Variants in ACER3 observed in about 807,000 individuals in gnomAD.
ACER3 encodes the protein alkaline ceramidase 3.
In ACER3, 16 loss-of-function variants were observed where a neutral mutation model predicts 48.9. That is an observed-to-expected ratio of 0.33 (90% CI 0.22 to 0.50). The LOEUF is 0.50. ACER3 is among the 20% of genes least tolerant of loss of function. ACER3 has a pLI of 0.98. For synonymous variants in ACER3, 109 were observed against 107.8 expected (o/e 1.01, Z -0.07); for missense variants, 227 against 326.0 (o/e 0.70, Z 2.34).
intron 2 of ACER3, among the ~76,000 whole-genome samples, chr11:76,953,822 A>G (rs1413760630): frequency 6.6e-6 from 1 of 152,170 alleles, no homozygotes; most frequent in Admixed American, 6.5e-5. Flanking sequence ...AACCCAAGTG[A>G]TATTTTTAAA....
chr11:76,959,227 A>C lies in ACER3; in HGVS notation c.267+196A>C, dbSNP rs528601406. Reference sequence around the variant, plus strand: ...TGAGTCCATAAGGAAAACAAGTACAAATAGTATAGGGCTTTTTGACCATCT... The same window carrying C: ...TGAGTCCATAAGGAAAACAAGTACACATAGTATAGGGCTTTTTGACCATCT... On this transcript the variant is annotated intron_variant, in intron 3 of 10. Coordinates refer to ENST00000532485, the MANE Select transcript of ACER3 (RefSeq NM_018367.7). The C allele has an allele frequency of 7.5e-6, 11 of 1,458,934 alleles. No individual in the cohort carries two copies. The African/African-American group carries it at 1.1e-4, about 15-fold the overall frequency. 90.4% of individuals were successfully genotyped at this position (1,458,934 alleles called of 1,614,324 possible).
At chr11:76,914,098 G>A (rs997583638) in intron 1 of ACER3, among the ~76,000 whole-genome samples, 10 of 152,170 alleles carry the variant, frequency 6.6e-5, no homozygotes, top group Admixed American at 1.3e-4. Context: ...TAAAAACCCT[G>A]GAAGAAAACC....
intron 3 of ACER3, among the ~76,000 whole-genome samples, chr11:76,969,810 G>C (rs1444977547): frequency 8.1e-6 from 1 of 123,322 alleles, no homozygotes; most frequent in African/African-American, 3.5e-5. Context: ...TGGGGGGAGG[G>C]GGGAGGGATA....
At chr11:76,945,017 T>C (rs545719280) in intron 2 of ACER3, among the ~76,000 whole-genome samples, 7 of 152,108 alleles carry the variant, frequency 4.6e-5, no homozygotes, top group African/African-American at 1.4e-4. Context: ...TAAATGTATT[T>C]TGTTGTTTTT....
intron 1 of ACER3, among the ~76,000 whole-genome samples, chr11:76,887,175 G>A (rs1014133120): frequency 6.6e-6 from 1 of 152,144 alleles, no homozygotes; most frequent in Admixed American, 6.5e-5. Context: ...TAGGAAGGTC[G>A]CTTGGGAGGT....
chr11:76,873,624 A>G (rs940848640), intron 1 of ACER3, among the ~76,000 whole-genome samples: 2 of 152,230 alleles, frequency 1.3e-5, no homozygotes, highest in Admixed American at 6.5e-5. Context: ...GTTAGCAGCT[A>G]GAGCTTAGTA....
chr11:77,005,077 G>A (rs924295113), intron 7 of ACER3, among the ~76,000 whole-genome samples: 24 of 128,412 alleles, frequency 1.9e-4, no homozygotes, highest in Middle Eastern at 5.8e-3. Context: ...TCACTCTATC[G>A]TCCAGGCTGG....
At chr11:76,969,056 C>T (rs1048692344) in intron 3 of ACER3, among the ~76,000 whole-genome samples, 5 of 150,078 alleles carry the variant, frequency 3.3e-5, no homozygotes, top group African/African-American at 1.2e-4. Flanking sequence ...TGACAAAGGG[C>T]TAATATCCAG....
chr11:76,916,119 A>T (rs1011815178), intron 1 of ACER3, among the ~76,000 whole-genome samples: 1 of 152,222 alleles, frequency 6.6e-6, no homozygotes, highest in Admixed American at 6.5e-5. Context: ...TTTTTGACTG[A>T]TGCATTTTAA....
chr11:76,884,567 A>T (rs951547714), intron 1 of ACER3, among the ~76,000 whole-genome samples: 2 of 152,214 alleles, frequency 1.3e-5, no homozygotes, highest in Admixed American at 1.3e-4. Flanking sequence ...CAGGGGGAGC[A>T]TGTGAAGGTT....
At chr11:76,907,844 C>T (rs1946273304) in intron 1 of ACER3, among the ~76,000 whole-genome samples, 1 of 152,068 alleles carries the variant, frequency 6.6e-6, no homozygotes. Flanking sequence ...GCACTCCAGC[C>T]TGGGCGACAC....
chr11:76,980,717 G>A (rs537066330), intron 4 of ACER3, among the ~76,000 whole-genome samples: 47 of 152,152 alleles, frequency 3.1e-4, no homozygotes, highest in African/African-American at 1.0e-3. Context: ...TAGTGCTAGG[G>A]AACAGCAGAT....
intron 7 of ACER3, among the ~76,000 whole-genome samples, chr11:77,009,313 G>A (rs1949214759): frequency 6.6e-6 from 1 of 152,062 alleles, no homozygotes; most frequent in Non-Finnish European, 1.5e-5. Context: ...GGGAGGTGCC[G>A]TACACTTTAA....
intron 7 of ACER3, 30 bp downstream of exon 7, chr11:76,998,851 C>T (rs1555019193): frequency 6.5e-7 from 1 of 1,529,880 alleles, no homozygotes; most frequent in Non-Finnish European, 8.9e-7. Flanking sequence ...TGCACCATGA[C>T]TGAAGTATAT....
At chr11:77,015,680 A>C (rs1949352107) in intron 8 of ACER3, among the ~76,000 whole-genome samples, 1 of 152,176 alleles carries the variant, frequency 6.6e-6, no homozygotes, top group East Asian at 1.9e-4. Context: ...CCAACTCTAA[A>C]TCCTGTGAAC....
intron 1 of ACER3, among the ~76,000 whole-genome samples, chr11:76,905,350 G>T (rs1423969159): frequency 2.6e-5 from 4 of 152,058 alleles, no homozygotes; most frequent in African/African-American, 9.7e-5. Flanking sequence ...TTTAGCATTT[G>T]TCGTTCTTTT....
chr11:76,923,844 T>G (rs951331873), intron 1 of ACER3, among the ~76,000 whole-genome samples: 1 of 152,208 alleles, frequency 6.6e-6, no homozygotes, highest in African/African-American at 2.4e-5. Context: ...TGGCTATGTG[T>G]GAACACCTGG....
At chr11:76,964,148 C>T (rs1258383503) in intron 3 of ACER3, among the ~76,000 whole-genome samples, 4 of 151,400 alleles carry the variant, frequency 2.6e-5, no homozygotes, top group Non-Finnish European at 5.9e-5. Context: ...CTTAACAAAC[C>T]GCACACCAGG....
At position 76,916,630 on chromosome 11, in the gene ACER3, C is replaced by T. The variant is rs79547971; in HGVS notation, c.104-9927C>T. Among the ~76,000 whole-genome samples the T allele has an allele frequency of 4.7e-3, 710 of 152,178 alleles. 4 individuals are homozygous for T. The highest frequency in any genetic ancestry group is 0.016 in the African/African-American group (677 of 41,534). On this transcript the variant is annotated intron_variant, in intron 1 of 10. Transcript: ENST00000532485. Reference sequence around the variant, plus strand: ...TTGATTTGGGCCCTTAAAGAAGTTTCGGTAAAAGTGGAGAGGAAGAAGGGA... The same window carrying T: ...TTGATTTGGGCCCTTAAAGAAGTTTTGGTAAAAGTGGAGAGGAAGAAGGGA...
Sources: gnomAD v4.1 joint callset for allele counts (sites outside exome capture counted in the v4.1 genomes callset) on GRCh38, gnomAD v4.1.1 for gene constraint, MANE v1.5 for transcripts, NCBI Gene and HGNC (gene_info 2026-07-23, HGNC 2026-07-21) for gene names.